Variants in SETX observed in about 807,000 individuals in gnomAD.
The protein encoded by SETX is helicase senataxin.
SETX carries 90 observed loss-of-function variants against 227.2 expected under a neutral mutation model. The ratio of observed to expected loss-of-function variants is 0.40; its 90% CI spans 0.33 to 0.47. The LOEUF (loss-of-function observed/expected upper bound fraction) is 0.47. SETX is among the 20% of genes least tolerant of loss of function. The pLI is 0.91. For missense variants in SETX, 3,052 were observed against 3,181.5 expected, an observed-to-expected ratio of 0.96 and a Z score of 0.98; for synonymous variants, 1,210 against 1,113.2, an observed-to-expected ratio of 1.09 and a Z score of -1.73.
chr9:132,281,396 T>C, intron 20 of SETX, 71 bp downstream of exon 20: 1 of 1,031,656 alleles, frequency 9.7e-7, no homozygotes, highest in South Asian at 1.3e-5. Context: ...GAAAGATGTC[T>C]CTCCCTCCTG....
chr9:132,271,798 C>T lies in SETX; in HGVS notation c.7111G>A (p.Val2371Ile), dbSNP rs754472276. 6.2e-7 allele frequency: 1 copy of T among 1,613,318 alleles called. No homozygotes were observed. Among genetic ancestry groups the T allele is most frequent in the African/African-American group, 1.3e-5 (1 of 74,928 alleles). ...KEFDRKGPAEVDTVDAFQGRQ... is the reference protein window; with the variant it reads ...KEFDRKGPAEIDTVDAFQGRQ... ...CCCTGGAATGCATCCACAGTGTCTA[C>T]TTCTGCTGGTCTATTTACAAAAGAG... The change falls in exon 24 of 26, where the codon GTA becomes ATA. Residue 2371 changes from valine (V) to isoleucine (I), a missense_variant. By Grantham distance (29) the Val-to-Ile change is conservative. This residue lies in a region of SETX where 412 missense variants were observed against 589.0 expected (regional missense o/e 0.70). Coordinates refer to ENST00000224140, the MANE Select transcript of SETX (RefSeq NM_015046.7).
At chr9:132,347,595 C>T (rs574654472) in intron 3 of SETX, among the ~76,000 whole-genome samples, 9 of 152,008 alleles carry the variant, frequency 5.9e-5, no homozygotes, top group African/African-American at 2.2e-4. Flanking sequence ...CAGGTGTAAG[C>T]TACAGCACTC....
chr9:132,328,937 C>A lies in SETX; in HGVS notation c.2661G>T (p.Gln887His). Residue 887 changes from glutamine to histidine, a missense_variant, in exon 10 of 26, where the codon CAG becomes CAT. Around this residue, in one of 10 missense-constraint regions of SETX, gnomAD observed 1,483 missense variants for 1,312.0 expected, o/e 1.13. Coordinates refer to ENST00000224140, the MANE Select transcript of SETX (RefSeq NM_015046.7). ...ATTCTTTACCATCAACATGAAATTC[C>A]TGTATTTTACAATTGTTTTCATGGA... Reference protein sequence around the residue: ...FSFHENNCKIQEFHVDGKELI... With the variant: ...FSFHENNCKIHEFHVDGKELI... 6.2e-7 allele frequency: 1 copy of A among 1,612,104 alleles called. No homozygotes were observed. The highest frequency in any genetic ancestry group is 8.5e-7 in the Non-Finnish European group (1 of 1,179,474).
intron 2 of SETX, among the ~76,000 whole-genome samples, chr9:132,350,428 G>A (rs1011046954): frequency 3.9e-5 from 6 of 152,248 alleles, no homozygotes; most frequent in Non-Finnish European, 7.4e-5. Context: ...AGATTTTTGA[G>A]TATCACCGTC....
intron 15 of SETX, among the ~76,000 whole-genome samples, chr9:132,294,831 T>C (rs886650419): frequency 6.6e-6 from 1 of 152,190 alleles, no homozygotes; most frequent in East Asian, 1.9e-4. Flanking sequence ...CTCCAAGGAC[T>C]CTCTAAGGCA....
rs1846923753 is a variant in SETX, at chr9:132,327,751, T to C, written c.3847A>G (p.Thr1283Ala). 1.2e-6 allele frequency: 2 copies of C among 1,614,250 alleles called. No individual in the cohort carries two copies. The highest frequency in any genetic ancestry group is 4.5e-5 in the East Asian group (2 of 44,884). ...TTTTTCAGGCCAAGTTTCTCAGCTGTTGAAGTTGGCTCAGGACACTGACGA... is the reference window on the plus strand; with the variant it reads ...TTTTTCAGGCCAAGTTTCTCAGCTGCTGAAGTTGGCTCAGGACACTGACGA... ...KFRQCPEPTSTAEKLGLKKGP... is the reference protein window; with the variant it reads ...KFRQCPEPTSAAEKLGLKKGP... Residue 1283 changes from threonine to alanine, a missense_variant, in exon 10 of 26, where the codon ACA (threonine) becomes GCA (alanine). Physicochemically the swap from Thr to Ala is moderately conservative, Grantham distance 58. Transcript: ENST00000224140.
At chr9:132,351,987 G>T (rs903668973) in intron 2 of SETX, among the ~76,000 whole-genome samples, 2 of 152,172 alleles carry the variant, frequency 1.3e-5, no homozygotes, top group African/African-American at 4.8e-5. Flanking sequence ...ATTTTCTACA[G>T]ACTTATCCTT....
intron 3 of SETX, among the ~76,000 whole-genome samples, chr9:132,348,034 GA>G (rs888145042): frequency 1.9e-4 from 28 of 149,582 alleles, no homozygotes; most frequent in Non-Finnish European, 3.0e-4. Flanking sequence ...ATTAAAAAAA[GA>G]AAAAAAGAAG....
At chr9:132,283,235 C>A in intron 19 of SETX, 29 bp downstream of exon 19, 1 of 1,613,876 alleles carries the variant, frequency 6.2e-7, no homozygotes, top group South Asian at 1.1e-5. Context: ...TAGTAGTAGT[C>A]AAAGTTGTAT....
Position 132,330,024 on chromosome 9 carries a change from G to A in SETX, c.1574C>T (p.Ser525Phe). 6.2e-7 allele frequency: 1 copy of A among 1,614,184 alleles called. No homozygotes were observed. Among genetic ancestry groups the A allele is most frequent in the Non-Finnish European group, 8.5e-7 (1 of 1,179,996 alleles). ...AAGTTGTACAGAGTTAGATGGCATG[G>A]AATGCAATGACAGTGAAGATATCAT... is the stretch of plus-strand genomic sequence containing the variant. ...TAMISSLSLH[S>F]MPSNSVQLAY... The change falls in exon 10 of 26, where the codon TCC (serine) becomes TTC (phenylalanine). Residue 525 changes from serine (S) to phenylalanine (F), a missense_variant. By Grantham distance (155) the Ser-to-Phe change is radical. This residue lies in a region of SETX where 179 missense variants were observed against 197.1 expected (regional missense o/e 0.91). Coordinates refer to ENST00000224140, the MANE Select transcript of SETX (RefSeq NM_015046.7).
In SETX at chr9:132,344,090, C is replaced by A. The variant is rs971727673; in HGVS notation, c.389-1291G>T. Among the ~76,000 whole-genome samples the A allele has an allele frequency of 2.0e-5, 3 of 152,152 alleles. No homozygotes were observed. In the East Asian group the frequency reaches 5.8e-4, roughly 29 times the overall value. On this transcript the variant is annotated intron_variant, in intron 4 of 25. Coordinates refer to ENST00000224140, the MANE Select transcript of SETX (RefSeq NM_015046.7). ...GTTGGCCCTGAGAAATCAGCGTATA[C>A]CTAAAGTCGACCCTCCAGAGAAGCG...
chr9:132,339,045 G>A (rs1001056592), intron 5 of SETX, among the ~76,000 whole-genome samples: 4 of 152,228 alleles, frequency 2.6e-5, no homozygotes, highest in African/African-American at 7.2e-5. Flanking sequence ...TTTCGAGCAT[G>A]AGCGACCATG....
chr9:132,322,978 C>T (rs1174545965), intron 10 of SETX, among the ~76,000 whole-genome samples: 1 of 150,890 alleles, frequency 6.6e-6, no homozygotes, highest in Non-Finnish European at 1.5e-5. Flanking sequence ...GAGGTGGCCT[C>T]CAAGAAAGGA....
At chr9:132,325,094 C>T (rs528206910) in intron 10 of SETX, among the ~76,000 whole-genome samples, 107 of 152,246 alleles carry the variant, frequency 7.0e-4, no homozygotes, top group African/African-American at 2.4e-3. Context: ...CAGTGGCTCA[C>T]GCCTGTAATC....
intron 18 of SETX, among the ~76,000 whole-genome samples, chr9:132,284,418 G>C (rs1843718458): frequency 6.6e-6 from 1 of 152,144 alleles, no homozygotes; most frequent in African/African-American, 2.4e-5. Flanking sequence ...CTATATTTTA[G>C]TCACATAGAG....
chr9:132,295,656 T>G (rs1389733017), intron 15 of SETX, among the ~76,000 whole-genome samples: 1 of 152,168 alleles, frequency 6.6e-6, no homozygotes, highest in Non-Finnish European at 1.5e-5. Flanking sequence ...AGGCCGTGTG[T>G]CTCCTTGAAG....
Position 132,281,722 on chromosome 9 carries a change from A to C in SETX, c.6547-148T>G, listed in dbSNP as rs1315682889. ...AAATACAAATTTTCCCTGAAAACAA[A>C]AAAACAAAACAAAACCAACAAAATA... On this transcript the variant is annotated intron_variant, in intron 19 of 25. Transcript: ENST00000224140. The C allele has an allele frequency of 5.6e-6, 4 of 708,312 alleles. No individual in the cohort carries two copies. The East Asian group carries it at 8.2e-5, about 14-fold the overall frequency. The allele number at this position is 708,312 out of a possible 1,614,324, so 43.9% of individuals were successfully genotyped here. A position where few individuals can be genotyped will look rare whatever the true frequency, so the allele number is the denominator to read the frequency against.
In SETX at chr9:132,326,700, G is replaced by T; in HGVS notation, c.4898C>A (p.Ser1633Ter). The change falls in exon 10 of 26, where the codon TCG becomes TAG. Residue 1633 changes from serine (S) to a stop codon, truncating the protein, a stop_gained. Coordinates refer to ENST00000224140, the MANE Select transcript of SETX (RefSeq NM_015046.7). LOFTEE classifies it high-confidence loss of function. ...AACTGGCTGTGGTACTTTCAAAATCGACTGTATCCCCTTTGACTTATTTTT... is the reference window on the plus strand; with the variant it reads ...AACTGGCTGTGGTACTTTCAAAATCTACTGTATCCCCTTTGACTTATTTTT... Reference protein sequence around the residue: ...SLKNKSKGIQSILKVPQPVPL... With the variant: ...SLKNKSKGIQ The T allele has an allele frequency of 6.2e-7, 1 of 1,614,128 alleles. No individual in the cohort carries two copies. The highest frequency in any genetic ancestry group is 1.1e-5 in the South Asian group (1 of 91,062).
chr9:132,325,354 C>CA (rs962844125), intron 10 of SETX, among the ~76,000 whole-genome samples: 8 of 149,334 alleles, frequency 5.4e-5, no homozygotes, highest in African/African-American at 1.5e-4. Context: ...AGACTCGTCT[C>CA]AAAAAAAAGA....
Sources: gnomAD v4.1 joint callset for allele counts (sites outside exome capture counted in the v4.1 genomes callset) on GRCh38, gnomAD v4.1.1 for gene constraint, gnomAD v4.1.1 regional missense constraint, MANE v1.5 for transcripts, NCBI Gene and HGNC (gene_info 2026-07-23, HGNC 2026-07-21) for gene names.